NAV1: variants seen among roughly 807,000 people sequenced by gnomAD.
NAV1 encodes the protein pore membrane and/or filament interacting like protein 3.
A neutral mutation model predicts 175.2 loss-of-function variants in NAV1; 18 were observed. The ratio of observed to expected loss-of-function variants is 0.10; its 90% confidence interval spans 0.07 to 0.15. The LOEUF (loss-of-function observed/expected upper bound fraction) is 0.15, where lower values mean the gene tolerates loss of function less well. NAV1 is among the 10% of genes least tolerant of loss of function. The pLI, the probability that NAV1 is intolerant of heterozygous loss-of-function variation, is 1.00. For synonymous variants in NAV1, 897 were observed against 978.7 expected (o/e 0.92, Z 1.56); for missense variants, 1,731 against 2,436.6 (o/e 0.71, Z 6.10).
At chr1:201,606,457 C>T (rs916609302) in intron 2 of NAV1, among the ~76,000 whole-genome samples, 4 of 152,204 alleles carry the variant, frequency 2.6e-5, no homozygotes, top group Non-Finnish European at 4.4e-5. Context: ...GTGAGGCTGT[C>T]CTAAGGCCAC....
intron 1 of NAV1, among the ~76,000 whole-genome samples, chr1:201,625,008 C>T (rs1441059451): frequency 6.6e-6 from 1 of 152,148 alleles, no homozygotes; most frequent in Non-Finnish European, 1.5e-5. Flanking sequence ...AGGACTAGGC[C>T]TTTGGAGTTC....
intron 1 of NAV1, among the ~76,000 whole-genome samples, chr1:201,558,334 A>G (rs1666095078): frequency 6.6e-6 from 1 of 152,160 alleles, no homozygotes; most frequent in Admixed American, 6.5e-5. Context: ...TTTTTCGGGG[A>G]AATGAATGAG....
chr1:201,662,390 G>A (rs1669647693), intron 1 of NAV1, among the ~76,000 whole-genome samples: 1 of 152,226 alleles, frequency 6.6e-6, no homozygotes, highest in African/African-American at 2.4e-5. Context: ...AGGTCCCAAA[G>A]GGCCAGTATG....
exon 15 of NAV1, chr1:201,794,535 G>A: frequency 2.5e-6 from 4 of 1,613,994 alleles, no homozygotes; most frequent in Non-Finnish European, 3.4e-6. Flanking sequence ...GGCCCAGGCA[G>A]TCATTCAGGG....
intron 1 of NAV1, among the ~76,000 whole-genome samples, chr1:201,701,412 T>TAAAAAAA (rs969642968): frequency 1.6e-5 from 1 of 63,458 alleles, no homozygotes; most frequent in Non-Finnish European, 4.1e-5. Flanking sequence ...TAAAGTATAA[T>TAAAAAAA]AAAAAAAATA....
At chr1:201,588,322 T>G (rs1667092177) in intron 1 of NAV1, among the ~76,000 whole-genome samples, 1 of 152,118 alleles carries the variant, frequency 6.6e-6, no homozygotes, top group South Asian at 2.1e-4. Context: ...AGCCCACGTA[T>G]TGTATGATTT....
At chr1:201,593,502 A>C (rs926661512) in intron 2 of NAV1, among the ~76,000 whole-genome samples, 2 of 152,254 alleles carry the variant, frequency 1.3e-5, no homozygotes, top group Admixed American at 6.5e-5. Flanking sequence ...GTTAGACGAC[A>C]GATGAGTCAG....
intron 13 of NAV1, 194 bp downstream of exon 17, chr1:201,790,960 A>G (rs1383564315): frequency 1.7e-6 from 1 of 599,810 alleles, no homozygotes; most frequent in South Asian, 2.0e-5. Flanking sequence ...ACTTTTATGA[A>G]GAACCATTTT....
At chr1:201,601,724 C>G (rs1667517760) in intron 2 of NAV1, among the ~76,000 whole-genome samples, 1 of 152,186 alleles carries the variant, frequency 6.6e-6, no homozygotes, top group Admixed American at 6.5e-5. Flanking sequence ...GGCTTCCACC[C>G]TGTGGAACTT....
intron 2 of NAV1, among the ~76,000 whole-genome samples, chr1:201,639,986 C>G (rs992552844): frequency 6.6e-6 from 1 of 152,140 alleles, no homozygotes; most frequent in Non-Finnish European, 1.5e-5. Context: ...GCTGTGAGCT[C>G]CAAGGAATGT....
At chr1:201,660,976 T>C (rs910915067) in intron 1 of NAV1, among the ~76,000 whole-genome samples, 1 of 152,154 alleles carries the variant, frequency 6.6e-6, no homozygotes, top group African/African-American at 2.4e-5. Context: ...CAATATGGCC[T>C]TATTGGTGCA....
intron 1 of NAV1, among the ~76,000 whole-genome samples, chr1:201,572,473 A>G (rs1666574208): frequency 6.6e-6 from 1 of 151,042 alleles, no homozygotes; most frequent in South Asian, 2.1e-4. Flanking sequence ...GGTTCAAGCA[A>G]TTCTTCTGCC....
At chr1:201,704,167 A>G (rs1352447461) in intron 1 of NAV1, among the ~76,000 whole-genome samples, 1 of 152,096 alleles carries the variant, frequency 6.6e-6, no homozygotes, top group Non-Finnish European at 1.5e-5. Flanking sequence ...CTGCAAACTC[A>G]GGCTGTTCTC....
chr1:201,710,462 A>G (rs1671860197), intron 1 of NAV1, among the ~76,000 whole-genome samples: 1 of 151,680 alleles, frequency 6.6e-6, no homozygotes, highest in Non-Finnish European at 1.5e-5. Context: ...TTTTATTTTT[A>G]TTTTTTATAT....
chr1:201,586,551 T>C (rs1413282880), intron 1 of NAV1, among the ~76,000 whole-genome samples: 2 of 152,064 alleles, frequency 1.3e-5, no homozygotes, highest in Non-Finnish European at 2.9e-5. Flanking sequence ...GGTTGGTGCC[T>C]GGTGAGGTCT....
At chr1:201,728,599 CAAAAAAA>C (rs1278753255) in intron 3 of NAV1, among the ~76,000 whole-genome samples, 18 of 58,802 alleles carry the variant, frequency 3.1e-4, no homozygotes, top group South Asian at 9.1e-4. Context: ...CATCGCAAAA[CAAAAAAA>C]AAAAAAAAAG....
intron 1 of NAV1, among the ~76,000 whole-genome samples, chr1:201,660,515 G>T (rs189887892): frequency 1.0e-3 from 157 of 152,312 alleles, no homozygotes; most frequent in Admixed American, 2.0e-3. Flanking sequence ...CCTGCTGCAG[G>T]GTCTGGGCTC....
At chr1:201,550,654 G>C (rs1665828397) in intron 1 of NAV1, among the ~76,000 whole-genome samples, 1 of 152,196 alleles carries the variant, frequency 6.6e-6, no homozygotes, top group African/African-American at 2.4e-5. Flanking sequence ...TATTGAAGAA[G>C]TTGACACAAT....
intron 2 of NAV1, among the ~76,000 whole-genome samples, chr1:201,602,663 T>G (rs1335907500): frequency 5.8e-5 from 7 of 121,508 alleles, no homozygotes; most frequent in East Asian, 3.3e-4. Context: ...TTTTTTTTTT[T>G]TTGGTTTTTT....
Sources: allele counts gnomAD v4.1 joint callset (sites outside exome capture counted in the v4.1 genomes callset), GRCh38; gene constraint gnomAD v4.1.1; transcripts MANE v1.5; gene names NCBI Gene and HGNC (gene_info 2026-07-23, HGNC 2026-07-21).